The following THSD4 variants were observed in gnomAD, a reference collection of about 807,000 sequenced individuals.
THSD4 encodes the protein thrombospondin type 1 domain containing 4.
In THSD4, 69 loss-of-function variants were observed where a neutral mutation model predicts 119.0. The observed-to-expected ratio is 0.58, with a 90% CI of 0.48 to 0.71. THSD4 has a LOEUF of 0.71. THSD4 is among the 30% of genes least tolerant of loss of function. The pLI, the probability that THSD4 is intolerant of heterozygous loss-of-function variation, is 0.00. For synonymous variants in THSD4, 524 were observed against 540.4 expected, an observed-to-expected ratio of 0.97 and a Z score of 0.42; for missense variants, 1,393 against 1,391.1, an observed-to-expected ratio of 1.00 and a Z score of -0.02.
chr15:71,128,964 G>C (rs562420647), intron 1 of THSD4, among the ~76,000 whole-genome samples: 1 of 152,336 alleles, frequency 6.6e-6, no homozygotes, highest in African/African-American at 2.4e-5. Flanking sequence ...TGATGGTTTA[G>C]ATGAGGCTGG....
At chr15:71,770,928 A>T (rs186324205) in intron 16 of THSD4, 136 bp from the exon 17 acceptor site, 2 of 1,294,498 alleles carry the variant, frequency 1.5e-6, no homozygotes, top group African/African-American at 3.0e-5. Context: ...AAGCTGGTTG[A>T]TAGGTACATG....
chr15:71,199,700 G>GCA (rs2043767140), intron 3 of THSD4, among the ~76,000 whole-genome samples: 1 of 13,952 alleles, frequency 7.2e-5, no homozygotes, highest in Non-Finnish European at 1.3e-4. Context: ...GGTGTGTGTG[G>GCA]TGTCTGGGTG....
At chr15:71,707,148 C>T (rs183231738) in intron 8 of THSD4, among the ~76,000 whole-genome samples, 2 of 152,044 alleles carry the variant, frequency 1.3e-5, no homozygotes, top group South Asian at 2.1e-4. Flanking sequence ...GTCAGTCTCA[C>T]GCAGCACGAA....
intron 8 of THSD4, among the ~76,000 whole-genome samples, chr15:71,661,445 G>A (rs1002789052): frequency 1.3e-4 from 19 of 149,238 alleles, no homozygotes; most frequent in African/African-American, 4.2e-4. Context: ...ACCCAGGTTC[G>A]AGTGCAGTGG....
At chr15:71,641,215 A>G (rs1355129034) in intron 7 of THSD4, among the ~76,000 whole-genome samples, 1 of 152,088 alleles carries the variant, frequency 6.6e-6, no homozygotes, top group Non-Finnish European at 1.5e-5. Context: ...CTTTTGAGGG[A>G]GGCATTCCCT....
Position 71,488,993 on chromosome 15 carries a change from G to C in THSD4, c.1152+77170G>C, listed in dbSNP as rs188792517. On this transcript the variant is annotated intron_variant, in intron 7 of 17. Coordinates refer to ENST00000261862, the MANE Select transcript of THSD4 (RefSeq NM_024817.3). ...CCAAATTTGCTGTCATCTGAGATTTGCAGTTAAGTGTGTTCAGAGGGTCCC... is the reference window on the plus strand; with the variant it reads ...CCAAATTTGCTGTCATCTGAGATTTCCAGTTAAGTGTGTTCAGAGGGTCCC... 2.0e-4 allele frequency among the ~76,000 whole-genome samples: 31 copies of C among 152,062 alleles called. No homozygotes were observed. The East Asian group carries it at 5.2e-3, about 26-fold the overall frequency.
intron 6 of THSD4, among the ~76,000 whole-genome samples, chr15:71,411,211 T>C (rs2140501856): frequency 1.3e-5 from 2 of 152,310 alleles, no homozygotes; most frequent in Middle Eastern, 3.4e-3. Context: ...GGCGAGTCTT[T>C]GAGAATTCCT....
At chr15:71,740,563 G>C (rs570868361) in intron 11 of THSD4, among the ~76,000 whole-genome samples, 40 of 152,260 alleles carry the variant, frequency 2.6e-4, no homozygotes, top group African/African-American at 9.6e-4. Flanking sequence ...GAGGGCAAAT[G>C]CATGTGCTGG....
At chr15:71,774,259 C>G (rs2053873930) in intron 17 of THSD4, among the ~76,000 whole-genome samples, 1 of 146,064 alleles carries the variant, frequency 6.8e-6, no homozygotes, top group Non-Finnish European at 1.5e-5. Context: ...AGCAGTGAGC[C>G]ATGATCGCAC....
intron 8 of THSD4, among the ~76,000 whole-genome samples, chr15:71,708,920 G>A (rs775674773): frequency 2.0e-4 from 30 of 152,212 alleles, no homozygotes; most frequent in Admixed American, 3.3e-4. Context: ...TGCACAGAGC[G>A]TGGGTGGCCC....
chr15:71,590,847 C>CA (rs1025992517), intron 7 of THSD4, among the ~76,000 whole-genome samples: 53 of 149,566 alleles, frequency 3.5e-4, no homozygotes, highest in Non-Finnish European at 6.1e-4. Flanking sequence ...ACTAAAAATA[C>CA]AAAAAAAAAT....
chr15:71,389,807 G>GTTTTTTTTTTTTTTTTT (rs1237701264), intron 6 of THSD4, among the ~76,000 whole-genome samples: 4 of 46,246 alleles, frequency 8.6e-5, no homozygotes, highest in Non-Finnish European at 1.5e-4. Context: ...TATTTTCTGG[G>GTTTTTTTTTTTTTTTTT]TTGTTTTTTT....
chr15:71,534,218 A>G (rs542674888), intron 7 of THSD4, among the ~76,000 whole-genome samples: 119 of 152,306 alleles, frequency 7.8e-4, no homozygotes, highest in African/African-American at 2.7e-3. Context: ...CCAAAGTGCT[A>G]GGATTATAGG....
intron 7 of THSD4, among the ~76,000 whole-genome samples, chr15:71,638,363 A>G (rs1285318903): frequency 1.3e-5 from 2 of 152,182 alleles, no homozygotes; most frequent in African/African-American, 4.8e-5. Context: ...AAAAATTGTG[A>G]TGAAATGTCC....
At chr15:71,344,934 C>T (rs892578791) in intron 6 of THSD4, among the ~76,000 whole-genome samples, 3 of 151,934 alleles carry the variant, frequency 2.0e-5, no homozygotes, top group African/African-American at 7.3e-5. Flanking sequence ...GATATGATGA[C>T]AGAAAAGTGA....
chr15:71,321,021 A>T (rs1355311839), intron 6 of THSD4, among the ~76,000 whole-genome samples: 2 of 152,238 alleles, frequency 1.3e-5, no homozygotes, highest in East Asian at 3.8e-4. Context: ...ACGTTAAAAC[A>T]TTTAAACAGA....
At chr15:71,661,215 A>G (rs1251734687) in intron 8 of THSD4, among the ~76,000 whole-genome samples, 1 of 152,082 alleles carries the variant, frequency 6.6e-6, no homozygotes, top group Non-Finnish European at 1.5e-5. Flanking sequence ...AGTAGTGTGC[A>G]TGTCTTCTGA....
At chr15:71,162,041 G>A (rs2043254127) in intron 3 of THSD4, among the ~76,000 whole-genome samples, 1 of 151,916 alleles carries the variant, frequency 6.6e-6, no homozygotes, top group African/African-American at 2.4e-5. Context: ...CCCAATTTGT[G>A]TTTTGGTTGC....
At chr15:71,260,954 T>G (rs2140293943) in intron 6 of THSD4, among the ~76,000 whole-genome samples, 1 of 152,116 alleles carries the variant, frequency 6.6e-6, no homozygotes, top group African/African-American at 2.4e-5. Context: ...TAGAAAAAAT[T>G]ACCTGGGTTT....
Sources: gnomAD v4.1 joint callset for allele counts (sites outside exome capture counted in the v4.1 genomes callset) on GRCh38, gnomAD v4.1.1 for gene constraint, MANE v1.5 for transcripts, NCBI Gene and HGNC (gene_info 2026-07-23, HGNC 2026-07-21) for gene names.